The following SLC30A8 variants were observed in gnomAD, a reference collection of about 807,000 sequenced individuals.
SLC30A8 encodes solute carrier family 30 member 8.
SLC30A8 carries 27 observed loss-of-function variants against 36.9 expected under a neutral mutation model. The ratio of observed to expected loss-of-function variants is 0.73; its 90% CI spans 0.54 to 1.01. The LOEUF is 1.01. Ranked by LOEUF, SLC30A8 falls within the 50% of genes least tolerant of loss-of-function variation. The probability of loss-of-function intolerance (pLI) is 0.00; values close to 1 mark genes in which losing one functional copy is unlikely to be tolerated. For missense variants in SLC30A8, 439 were observed against 452.0 expected (o/e 0.97, Z 0.26); for synonymous variants, 164 against 172.4 (o/e 0.95, Z 0.38).
intron 1 of SLC30A8, 37 bp downstream of exon 1, chr8:117,135,435 G>T: frequency 6.6e-7 from 1 of 1,509,652 alleles, no homozygotes; most frequent in African/African-American, 1.4e-5. Flanking sequence ...AATTTTCTCT[G>T]TTGAATATCA....
At position 116,977,355 on chromosome 8, in the gene SLC30A8, G is replaced by A. The variant is rs539137953; in HGVS notation, c.-266+26236G>A. On this transcript the variant is annotated intron_variant, in intron 1 of 10. Coordinates refer to the SLC30A8 transcript ENST00000427715. ...TTTTTAGTAGAGACGGGGTTTCACT[G>A]TGTTAGCCAGGATGGTATTGATCTC... Among the ~76,000 whole-genome samples the A allele has an allele frequency of 8.9e-5, 13 of 146,414 alleles. 1 individual carries two copies. Among genetic ancestry groups the A allele is most frequent in the African/African-American group, 1.5e-4 (6 of 39,634 alleles).
chr8:117,110,714 T>C (rs1168014673), intron 2 of SLC30A8, among the ~76,000 whole-genome samples: 2 of 152,210 alleles, frequency 1.3e-5, no homozygotes, highest in Non-Finnish European at 2.9e-5. Context: ...GTGATGTACG[T>C]GTATGTGTGT....
At chr8:117,083,768 AT>A (rs1818757138) in intron 2 of SLC30A8, among the ~76,000 whole-genome samples, 1 of 152,166 alleles carries the variant, frequency 6.6e-6, no homozygotes, top group African/African-American at 2.4e-5. Flanking sequence ...TGCAGTAGAC[AT>A]GCTGCATGAA....
rs184987006 is a variant in SLC30A8 at position 117,094,888 on chromosome 8, G to A, written c.-225-40392G>A. On this transcript the variant is annotated intron_variant, in intron 2 of 10. Coordinates refer to the SLC30A8 transcript ENST00000427715. ...TTGTTGGCACCCAAAGTCCAGAGGG[G>A]GCCTAGGTGGCAGGGGGCTGGCATA... Among the ~76,000 whole-genome samples the A allele has an allele frequency of 3.3e-3, 509 of 152,358 alleles. 4 individuals carry two copies. The highest frequency in any genetic ancestry group is 0.02 in the Middle Eastern group (6 of 294).
chr8:116,961,769 A>C (rs530961577), intron 1 of SLC30A8, among the ~76,000 whole-genome samples: 1 of 151,986 alleles, frequency 6.6e-6, no homozygotes, highest in African/African-American at 2.4e-5. Flanking sequence ...TAAGAGAGAG[A>C]GAGCACCTAC....
intron 2 of SLC30A8, among the ~76,000 whole-genome samples, chr8:117,042,713 A>C (rs1817422786): frequency 6.6e-6 from 1 of 150,740 alleles, no homozygotes; most frequent in Non-Finnish European, 1.5e-5. Context: ...CTTTTCACCC[A>C]GGGTCAGGCT....
chr8:117,075,949 G>A (rs939515555), intron 2 of SLC30A8, among the ~76,000 whole-genome samples: 2 of 152,004 alleles, frequency 1.3e-5, no homozygotes, highest in African/African-American at 4.8e-5. Flanking sequence ...ACACAATATG[G>A]GTTTGTGTCT....
intron 1 of SLC30A8, among the ~76,000 whole-genome samples, chr8:117,005,410 A>G (rs879576685): frequency 5.9e-5 from 9 of 152,146 alleles, no homozygotes; most frequent in Non-Finnish European, 1.3e-4. Flanking sequence ...TGTTTCATCA[A>G]TTTTTATTGC....
chr8:117,157,628 GGGTGTA>G (rs1822562534), intron 3 of SLC30A8, 57 bp from the exon 4 acceptor site: 1 of 1,582,974 alleles, frequency 6.3e-7, no homozygotes, highest in Non-Finnish European at 8.6e-7. Flanking sequence ...TGACTCTTGG[GGGTGTA>G]GGTGTAGGTG....
chr8:117,058,161 T>A (rs1286241007), intron 2 of SLC30A8, among the ~76,000 whole-genome samples: 2 of 152,214 alleles, frequency 1.3e-5, no homozygotes, highest in Admixed American at 6.5e-5. Context: ...CCTTTTTGTA[T>A]GTCTGTTGGC....
At chr8:117,029,355 G>A (rs1389197608) in intron 1 of SLC30A8, among the ~76,000 whole-genome samples, 2 of 152,074 alleles carry the variant, frequency 1.3e-5, no homozygotes, top group African/African-American at 2.4e-5. Flanking sequence ...TAGTTGTGGG[G>A]GTTTAGTGCT....
chr8:117,040,390 C>T (rs774224213), intron 2 of SLC30A8, among the ~76,000 whole-genome samples: 1 of 152,208 alleles, frequency 6.6e-6, no homozygotes, highest in Non-Finnish European at 1.5e-5. Context: ...CTGTCTAATC[C>T]TTGTGCCTGA....
chr8:117,154,756 T>A (rs962251829), intron 3 of SLC30A8, among the ~76,000 whole-genome samples: 6 of 152,182 alleles, frequency 3.9e-5, no homozygotes, highest in African/African-American at 1.4e-4. Flanking sequence ...CCCTTTCTGA[T>A]ACCATTTGTC....
At chr8:117,057,336 C>T (rs749918742) in intron 2 of SLC30A8, among the ~76,000 whole-genome samples, 3 of 152,266 alleles carry the variant, frequency 2.0e-5, no homozygotes, top group African/African-American at 4.8e-5. Context: ...ACGCTTACCA[C>T]AATTGAATTA....
At chr8:117,016,499 T>G (rs923608677) in intron 1 of SLC30A8, among the ~76,000 whole-genome samples, 20 of 152,242 alleles carry the variant, frequency 1.3e-4, no homozygotes, top group African/African-American at 4.6e-4. Flanking sequence ...TAAATACATC[T>G]CTCTCAAGTC....
intron 1 of SLC30A8, among the ~76,000 whole-genome samples, chr8:116,977,384 A>C (rs540153131): frequency 6.8e-6 from 1 of 146,406 alleles, no homozygotes; most frequent in Non-Finnish European, 1.5e-5. Flanking sequence ...TGATCTCCTG[A>C]CCTCGTGATT....
At chr8:117,117,811 C>G (rs1289397364) in intron 2 of SLC30A8, among the ~76,000 whole-genome samples, 1 of 151,890 alleles carries the variant, frequency 6.6e-6, no homozygotes, top group Non-Finnish European at 1.5e-5. Context: ...GGTAAAAAGT[C>G]CATTCAGACT....
At chr8:116,968,705 A>G (rs1410107453) in intron 1 of SLC30A8, among the ~76,000 whole-genome samples, 1 of 151,838 alleles carries the variant, frequency 6.6e-6, no homozygotes, top group Non-Finnish European at 1.5e-5. Flanking sequence ...ATAGTTGGGA[A>G]CTACCTTCTG....
At chr8:117,124,437 C>T (rs1247197321) in intron 2 of SLC30A8, among the ~76,000 whole-genome samples, 1 of 151,748 alleles carries the variant, frequency 6.6e-6, no homozygotes, top group East Asian at 1.9e-4. Flanking sequence ...ATTCCTGCAC[C>T]CGGGCTCATG....
Sources: gnomAD v4.1 joint callset for allele counts (sites outside exome capture counted in the v4.1 genomes callset) on GRCh38, gnomAD v4.1.1 for gene constraint, MANE v1.5 for transcripts, NCBI Gene and HGNC (gene_info 2026-07-23, HGNC 2026-07-21) for gene names.